Variants in TRPS1 observed in about 807,000 individuals in gnomAD.
TRPS1 encodes transcriptional repressor GATA binding 1, also known as zinc finger transcription factor Trps1.
A neutral mutation model predicts 101.2 loss-of-function variants in TRPS1; 6 were observed. The observed-to-expected ratio is 0.06, with a 90% confidence interval of 0.03 to 0.12. TRPS1 has a LOEUF of 0.12. Ranked by LOEUF, TRPS1 falls within the 10% of genes least tolerant of loss-of-function variation. The probability of loss-of-function intolerance (pLI) is 1.00; values close to 1 mark genes in which losing one functional copy is unlikely to be tolerated. For synonymous variants in TRPS1, 578 were observed against 589.8 expected (o/e 0.98, Z 0.29); for missense variants, 1,363 against 1,567.0 (o/e 0.87, Z 2.20).
chr8:115,437,965 G>A (rs1332431492), intron 5 of TRPS1, among the ~76,000 whole-genome samples: 5 of 152,206 alleles, frequency 3.3e-5, no homozygotes, highest in African/African-American at 4.8e-5. Context: ...TCTAGCAAGC[G>A]AATCTCATAT....
intron 5 of TRPS1, among the ~76,000 whole-genome samples, chr8:115,536,133 C>T (rs560944664): frequency 1.3e-5 from 2 of 152,018 alleles, no homozygotes; most frequent in African/African-American, 4.8e-5. Flanking sequence ...TATACAAATA[C>T]GTAATACAGA....
In TRPS1 at chr8:115,418,512, CAAATCAACCCAGGAGTTTTGTCTTT is replaced by C. The variant is rs1812977068; in HGVS notation, c.2701-85_2701-61del. ...AGTCACATGATCAGTGGAGTTAGAC[CAAATCAACCCAGGAGTTTTGTCTTT>C]AAACTAGCAACAATGACAGTATAAA... On this transcript the variant is annotated intron_variant, in intron 5 of 6. Coordinates refer to ENST00000395715, the MANE Select transcript of TRPS1 (RefSeq NM_014112.5). The surrounding 1 kb of genome is among the most constrained non-coding windows in gnomAD (Gnocchi z 4.3). 62 of 1,611,916 alleles carry C rather than the reference CAAATCAACCCAGGAGTTTTGTCTTT, an allele frequency of 3.8e-5. No individual in the cohort carries two copies. In the South Asian group the frequency reaches 5.9e-4, roughly 15 times the overall value.
intron 5 of TRPS1, among the ~76,000 whole-genome samples, chr8:115,483,177 T>G (rs1814797333): frequency 6.6e-6 from 1 of 152,174 alleles, no homozygotes; most frequent in South Asian, 2.1e-4. Flanking sequence ...AGTAAAAAAC[T>G]ATACTTATTG....
chr8:115,525,601 T>C lies in TRPS1; in HGVS notation c.2700+61400A>G, dbSNP rs190756324. Among the ~76,000 whole-genome samples, 318 of 152,242 alleles carry C rather than the reference T, an allele frequency of 2.1e-3. 2 individuals carry two copies. The highest frequency in any genetic ancestry group is 7.4e-3 in the African/African-American group (309 of 41,560). Reference sequence around the variant, plus strand: ...TTATTTAGCAGATTCCTGAAAACTATAGTGTTGATTTTCATTAACATCTTA... The same window carrying C: ...TTATTTAGCAGATTCCTGAAAACTACAGTGTTGATTTTCATTAACATCTTA... On this transcript the variant is annotated intron_variant, in intron 5 of 6. Transcript: ENST00000395715.
intron 5 of TRPS1, among the ~76,000 whole-genome samples, chr8:115,435,655 G>C (rs1813429667): frequency 6.6e-6 from 1 of 152,088 alleles, no homozygotes; most frequent in Non-Finnish European, 1.5e-5. Context: ...TGTGATCTCA[G>C]GGCTTAGAAA....
intron 5 of TRPS1, among the ~76,000 whole-genome samples, chr8:115,432,885 A>T (rs1813356077): frequency 6.6e-6 from 1 of 151,778 alleles, no homozygotes; most frequent in Non-Finnish European, 1.5e-5. Context: ...TTCTTTCTTG[A>T]ACTTGACTTT....
chr8:115,642,771 T>C (rs2130590400), intron 1 of TRPS1, among the ~76,000 whole-genome samples: 1 of 151,218 alleles, frequency 6.6e-6, no homozygotes, highest in South Asian at 2.1e-4. Flanking sequence ...AGTTTAATCA[T>C]TTTTATTATT....
intron 1 of TRPS1, among the ~76,000 whole-genome samples, chr8:115,663,463 C>T (rs1563678255): frequency 6.6e-6 from 1 of 151,866 alleles, no homozygotes; most frequent in Non-Finnish European, 1.5e-5. Flanking sequence ...TGTCTAGCCA[C>T]TTGTAAAGTA....
intron 5 of TRPS1, among the ~76,000 whole-genome samples, chr8:115,477,783 CTGTT>C (rs2130047128): frequency 6.6e-6 from 1 of 151,880 alleles, no homozygotes; most frequent in African/African-American, 2.4e-5. Flanking sequence ...AAAATACAGA[CTGTT>C]TCTTCAATCT....
intron 5 of TRPS1, among the ~76,000 whole-genome samples, chr8:115,464,472 G>A (rs1231723146): frequency 6.6e-6 from 1 of 152,082 alleles, no homozygotes; most frequent in African/African-American, 2.4e-5. Context: ...TGAGAGTGTA[G>A]TTCATTATTT....
chr8:115,502,803 A>T (rs1815350484), intron 5 of TRPS1, among the ~76,000 whole-genome samples: 1 of 152,180 alleles, frequency 6.6e-6, no homozygotes, highest in Non-Finnish European at 1.5e-5. Flanking sequence ...TTAATATTTA[A>T]TAAAGGGAAT....
chr8:115,513,850 A>G (rs1815644205), intron 5 of TRPS1, among the ~76,000 whole-genome samples: 1 of 151,648 alleles, frequency 6.6e-6, no homozygotes, highest in South Asian at 2.1e-4. Flanking sequence ...GTCCTGTGAT[A>G]GACATATATG....
rs373433625 is a variant in TRPS1 at position 115,587,138 on chromosome 8, T to C, written c.2563A>G (p.Ile855Val). 6.2e-7 allele frequency: 1 copy of C among 1,614,126 alleles called. No individual in the cohort carries two copies. Among genetic ancestry groups the C allele is most frequent in the Non-Finnish European group, 8.5e-7 (1 of 1,180,016 alleles). The change falls in exon 5 of 7, where the codon ATT becomes GTT. Residue 855 changes from isoleucine to valine, a missense_variant. This residue lies in a region of TRPS1 where 1,020 missense variants were observed against 1,073.0 expected (regional missense o/e 0.95). Transcript: ENST00000395715. Reference protein sequence around the residue: ...NVEAAHLARPIYGLAVETKGF... With the variant: ...NVEAAHLARPVYGLAVETKGF... The stretch of plus-strand genomic sequence containing the variant: ...TTGGTTTCCACAGCCAAGCCATAAA[T>C]AGGTCGCGCCAGATGGGCGGCCTCC...
intron 1 of TRPS1, among the ~76,000 whole-genome samples, chr8:115,633,429 T>C (rs1333458790): frequency 6.6e-6 from 1 of 152,102 alleles, no homozygotes; most frequent in Non-Finnish European, 1.5e-5. Context: ...ATATTAAATG[T>C]TCCATGAGGA....
chr8:115,438,789 C>A (rs563449799), intron 5 of TRPS1, among the ~76,000 whole-genome samples: 3 of 152,214 alleles, frequency 2.0e-5, no homozygotes, highest in African/African-American at 7.2e-5. Flanking sequence ...CCCTTTTCTG[C>A]TTTGTTTCAT....
At chr8:115,529,439 T>C (rs73371327) in intron 5 of TRPS1, among the ~76,000 whole-genome samples, 3,238 of 152,208 alleles carry the variant, frequency 0.021, 117 homozygotes, top group African/African-American at 0.068. Flanking sequence ...TCCATGTTTT[T>C]ATGCTAATTA....
intron 5 of TRPS1, among the ~76,000 whole-genome samples, chr8:115,441,230 T>C (rs958835172): frequency 6.6e-6 from 1 of 152,264 alleles, no homozygotes; most frequent in Non-Finnish European, 1.5e-5. Context: ...GGACTATTTA[T>C]GTTTATTAGC....
In TRPS1 at chr8:115,414,335, G is replaced by T. The variant is rs375082372; in HGVS notation, c.3573C>A (p.Asn1191Lys). 1 of 1,613,778 alleles carries T rather than the reference G, an allele frequency of 6.2e-7. No homozygotes were observed. The highest frequency in any genetic ancestry group is 1.3e-5 in the African/African-American group (1 of 74,888). ...CCTTCGTTTTCTCCTTGGAGGCACCGTTTGCAGTTGGCCCAGGTCTGGAAT... is the reference window on the plus strand; with the variant it reads ...CCTTCGTTTTCTCCTTGGAGGCACCTTTTGCAGTTGGCCCAGGTCTGGAAT... ...IKHSRPGPTANGASKEKTKAP... is the reference protein window; with the variant it reads ...IKHSRPGPTAKGASKEKTKAP... Residue 1191 changes from asparagine (N) to lysine (K), a missense_variant, in exon 7 of 7, where the codon AAC (asparagine) becomes AAA (lysine). By Grantham distance (94) the Asn-to-Lys change is moderately conservative. This residue lies in a region of TRPS1 where 307 missense variants were observed against 392.4 expected (regional missense o/e 0.78). Coordinates refer to ENST00000395715, the MANE Select transcript of TRPS1 (RefSeq NM_014112.5). The surrounding 1 kb of genome is among the most constrained non-coding windows in gnomAD (Gnocchi z 4.8).
At chr8:115,485,716 G>C (rs1230907312) in intron 5 of TRPS1, among the ~76,000 whole-genome samples, 1 of 152,142 alleles carries the variant, frequency 6.6e-6, no homozygotes, top group Non-Finnish European at 1.5e-5. Flanking sequence ...CACAGATATA[G>C]GAAACGGTTC....
Sources: gnomAD v4.1 joint callset for allele counts (sites outside exome capture counted in the v4.1 genomes callset) on GRCh38, gnomAD v4.1.1 for gene constraint, gnomAD v4.1.1 regional missense constraint, Gnocchi (gnomAD v3.1) non-coding constraint, MANE v1.5 for transcripts, NCBI Gene and HGNC (gene_info 2026-07-23, HGNC 2026-07-21) for gene names.